Variants in CREB3L2 observed in about 807,000 individuals in gnomAD.
CREB3L2 encodes cyclic AMP-responsive element-binding protein 3-like protein 2.
CREB3L2 carries 23 observed loss-of-function variants against 57.2 expected under a neutral mutation model. The ratio of observed to expected loss-of-function variants is 0.40; its 90% CI spans 0.29 to 0.57. The LOEUF is 0.57. Ranked by LOEUF, CREB3L2 falls within the 20% of genes least tolerant of loss-of-function variation. CREB3L2 has a pLI of 0.42. For synonymous variants in CREB3L2, 268 were observed against 265.1 expected, an observed-to-expected ratio of 1.01 and a Z score of -0.11; for missense variants, 628 against 634.7, an observed-to-expected ratio of 0.99 and a Z score of 0.11.
At chr7:137,913,754 C>A (rs762666707) in intron 3 of CREB3L2, among the ~76,000 whole-genome samples, 18 of 152,076 alleles carry the variant, frequency 1.2e-4, no homozygotes. Context: ...CTCCCCCTAT[C>A]CTCACTCCAC....
chr7:137,960,732 G>A (rs747514521), intron 1 of CREB3L2, among the ~76,000 whole-genome samples: 4 of 149,238 alleles, frequency 2.7e-5, no homozygotes, highest in Admixed American at 6.7e-5. Flanking sequence ...ACAGAAGCAC[G>A]TGTTTTATTT....
At chr7:137,972,711 A>ACAAC (rs1801533117) in intron 1 of CREB3L2, among the ~76,000 whole-genome samples, 2 of 36,220 alleles carry the variant, frequency 5.5e-5, no homozygotes, top group South Asian at 1.1e-3. Context: ...AAAAAAAAAA[A>ACAAC]AATATATATA....
At chr7:137,922,993 C>T (rs1318924558) in intron 2 of CREB3L2, among the ~76,000 whole-genome samples, 3 of 152,092 alleles carry the variant, frequency 2.0e-5, no homozygotes, top group African/African-American at 7.2e-5. Flanking sequence ...AACTACAGCC[C>T]ACTACATGCT....
intron 1 of CREB3L2, among the ~76,000 whole-genome samples, chr7:137,939,576 G>T (rs1800847749): frequency 1.3e-5 from 2 of 152,076 alleles, no homozygotes; most frequent in South Asian, 4.1e-4. Flanking sequence ...GAGTCCTCTT[G>T]CCCCTTCCTT....
At chr7:137,887,550 A>G (rs1255816589) in intron 8 of CREB3L2, among the ~76,000 whole-genome samples, 1 of 152,146 alleles carries the variant, frequency 6.6e-6, no homozygotes, top group Non-Finnish European at 1.5e-5. Flanking sequence ...TCTACTAAAA[A>G]TACAAAAAAT....
chr7:137,909,370 C>A (rs563417328), intron 4 of CREB3L2, among the ~76,000 whole-genome samples: 104 of 152,328 alleles, frequency 6.8e-4, no homozygotes, highest in African/African-American at 2.4e-3. Context: ...ATCTCCAGGG[C>A]AGCAGAGATG....
intron 2 of CREB3L2, among the ~76,000 whole-genome samples, 160 bp downstream of exon 2, chr7:137,927,990 T>C (rs76446499): frequency 0.017 from 2,656 of 152,198 alleles, 65 homozygotes; most frequent in African/African-American, 0.061. Context: ...CCTGGGCCTC[T>C]TTGCTTTTCC....
chr7:137,978,810 G>A (rs1801656346), intron 1 of CREB3L2, among the ~76,000 whole-genome samples: 1 of 152,136 alleles, frequency 6.6e-6, no homozygotes, highest in African/African-American at 2.4e-5. Flanking sequence ...CTGCAGCACT[G>A]GGCACAGAGT....
intron 1 of CREB3L2, among the ~76,000 whole-genome samples, chr7:137,972,215 C>T (rs868362166): frequency 4.6e-5 from 7 of 151,834 alleles, no homozygotes; most frequent in African/African-American, 7.3e-5. Context: ...CTGAGGCGGG[C>T]GGATCACAAT....
intron 1 of CREB3L2, among the ~76,000 whole-genome samples, chr7:137,971,175 G>A (rs943295902): frequency 1.3e-5 from 2 of 152,092 alleles, no homozygotes; most frequent in African/African-American, 4.8e-5. Flanking sequence ...CTGGGGCCAG[G>A]CGTGGTGGCT....
chr7:137,953,490 C>T, intron 1 of CREB3L2: 1 of 1,289,118 alleles, frequency 7.8e-7, no homozygotes, highest in Non-Finnish European at 1.0e-6. Context: ...AAAGCGTCAA[C>T]CATCCCCAAC....
chr7:137,977,735 A>C (rs1385701661), intron 1 of CREB3L2, among the ~76,000 whole-genome samples: 1 of 152,134 alleles, frequency 6.6e-6, no homozygotes, highest in Non-Finnish European at 1.5e-5. Flanking sequence ...AGCCTGGTCA[A>C]TATGATGAAA....
chr7:137,952,562 T>C (rs1206625460), intron 1 of CREB3L2, among the ~76,000 whole-genome samples: 1 of 152,192 alleles, frequency 6.6e-6, no homozygotes, highest in Admixed American at 6.5e-5. Context: ...TTTTATGATC[T>C]GGCCCCTGCT....
intron 3 of CREB3L2, 145 bp downstream of exon 3, chr7:137,915,692 A>C (rs1800112960): frequency 3.4e-6 from 2 of 580,274 alleles, no homozygotes; most frequent in Non-Finnish European, 2.9e-6. Context: ...AAATGTATAC[A>C]TATGTATATA....
At chr7:137,894,151 G>T (rs1364401) in intron 8 of CREB3L2, among the ~76,000 whole-genome samples, 1 of 152,114 alleles carries the variant, frequency 6.6e-6, no homozygotes, top group Admixed American at 6.6e-5. Flanking sequence ...TGGTAACCTG[G>T]ACAGATGAGG....
rs141056660 is a variant in CREB3L2 at position 137,969,791 on chromosome 7, C to CACACACACACATACACAT, written c.102+31812_102+31813insATGTGTATGTGTGTGTGT. On this transcript the variant is annotated intron_variant, in intron 1 of 11. Coordinates refer to ENST00000330387, the MANE Select transcript of CREB3L2 (RefSeq NM_194071.4). ...ACACACACACACACACACACACACA[C>CACACACACACATACACAT]ACAACATACACATACGCAGAAAGAC... Among the ~76,000 whole-genome samples, 31 of 148,678 alleles carry CACACACACACATACACAT rather than the reference C, an allele frequency of 2.1e-4. 1 individual carries two copies. The South Asian group carries it at 2.3e-3, about 11-fold the overall frequency.
chr7:137,955,357 G>GA (rs1418863809), intron 1 of CREB3L2: 2 of 1,268,786 alleles, frequency 1.6e-6, no homozygotes, highest in Non-Finnish European at 2.1e-6. Context: ...CAGGATGGGG[G>GA]AGGGCGAAGA....
At position 137,928,165 on chromosome 7, in the gene CREB3L2, C is replaced by A; in HGVS notation, c.304G>T (p.Asp102Tyr). The A allele has an allele frequency of 6.7e-7, 1 of 1,489,454 alleles. No homozygotes were observed. Among genetic ancestry groups the A allele is most frequent in the South Asian group, 1.2e-5 (1 of 83,828 alleles). The allele number at this position is 1,489,454 out of a possible 1,614,324, so 92.3% of individuals were successfully genotyped here. ...CTGAGTTTACCGTCATTGAAGCTGT[C>A]ACTGGTGGTAATGTGGGTGAAGGGC... is the stretch of plus-strand genomic sequence containing the variant. ...QSPFTHITTS[D>Y]SFNDDEVESE... The change falls in exon 2 of 12, where the codon GAC (aspartate) becomes TAC (tyrosine). Residue 102 changes from aspartate to tyrosine, a missense_variant. Physicochemically the swap from Asp to Tyr is radical, Grantham distance 160. Coordinates refer to ENST00000330387, the MANE Select transcript of CREB3L2 (RefSeq NM_194071.4).
intron 1 of CREB3L2, among the ~76,000 whole-genome samples, chr7:137,979,016 G>A (rs933983127): frequency 1.3e-5 from 2 of 152,216 alleles, no homozygotes; most frequent in Non-Finnish European, 2.9e-5. Context: ...GACTCACAAC[G>A]AGAGCAGTAA....
Sources: allele counts gnomAD v4.1 joint callset (sites outside exome capture counted in the v4.1 genomes callset), GRCh38; gene constraint gnomAD v4.1.1; transcripts MANE v1.5; gene names NCBI Gene and HGNC (gene_info 2026-07-23, HGNC 2026-07-21).